Variants in BIN3 observed in about 807,000 individuals in gnomAD.
The protein encoded by BIN3 is bridging integrator 3.
Under a neutral mutation model 38.2 loss-of-function variants are expected in BIN3, and 41 were observed. The ratio of observed to expected loss-of-function variants is 1.07; its 90% CI spans 0.84 to 1.39. The LOEUF is 1.39. Among genes scored for constraint, BIN3 ranks in the 40% most tolerant of loss-of-function variants. BIN3 has a pLI of 0.00. For synonymous variants in BIN3, 145 were observed against 122.6 expected (o/e 1.18, Z -1.21); for missense variants, 361 against 324.3 (o/e 1.11, Z -0.87).
chr8:22,656,376 C>CT (rs1271625153), intron 1 of BIN3, among the ~76,000 whole-genome samples: 1 of 152,152 alleles, frequency 6.6e-6, no homozygotes, highest in African/African-American at 2.4e-5. Flanking sequence ...ATGGGATTCT[C>CT]TGTTTCATTT....
intron 2 of BIN3, among the ~76,000 whole-genome samples, chr8:22,637,324 G>C (rs1190410800): frequency 2.6e-5 from 4 of 152,206 alleles, no homozygotes; most frequent in African/African-American, 9.6e-5. Flanking sequence ...AGGCAGCAGA[G>C]TGCAGAGGAG....
chr8:22,625,057 A>G (rs544917651), intron 6 of BIN3: 19 of 419,150 alleles, frequency 4.5e-5, no homozygotes, highest in Admixed American at 3.6e-4. Flanking sequence ...TGGAACCGCC[A>G]AAGTTCCAAC....
chr8:22,634,012 T>C (rs1235084627), intron 4 of BIN3, among the ~76,000 whole-genome samples: 1 of 152,128 alleles, frequency 6.6e-6, no homozygotes, highest in Admixed American at 6.5e-5. Flanking sequence ...CCATGGACGG[T>C]GCGTCACGGA....
chr8:22,667,947 T>C (rs546978151), intron 1 of BIN3, among the ~76,000 whole-genome samples: 4 of 152,234 alleles, frequency 2.6e-5, no homozygotes, highest in Non-Finnish European at 5.9e-5. Context: ...GGACATTCTG[T>C]TATCTTAATT....
rs980164276 is a variant in BIN3, at chr8:22,628,027, C to T, written c.338+1937G>A. Among the ~76,000 whole-genome samples, 6 of 152,354 alleles carry T rather than the reference C, an allele frequency of 3.9e-5. No homozygotes were observed. In the East Asian group the frequency reaches 9.7e-4, roughly 25 times the overall value. On this transcript the variant is annotated intron_variant, in intron 6 of 8. Transcript: ENST00000276416. Reference sequence around the variant, plus strand: ...GTCTGTCCTAAGGCTCAATATCAAACTCACTCCCCTGGGGATGGGAGGGGC... The same window carrying T: ...GTCTGTCCTAAGGCTCAATATCAAATTCACTCCCCTGGGGATGGGAGGGGC...
chr8:22,654,471 C>T (rs916396309), intron 1 of BIN3, among the ~76,000 whole-genome samples: 2 of 152,160 alleles, frequency 1.3e-5, no homozygotes, highest in Non-Finnish European at 1.5e-5. Flanking sequence ...AAAAGAAACC[C>T]CACACCTATT....
intron 1 of BIN3, among the ~76,000 whole-genome samples, chr8:22,663,613 A>C (rs1803315097): frequency 1.3e-5 from 2 of 152,144 alleles, no homozygotes; most frequent in African/African-American, 4.8e-5. Context: ...GCCTAGGCTC[A>C]ATTTCAAGTC....
intron 1 of BIN3, among the ~76,000 whole-genome samples, chr8:22,657,885 G>A (rs971259781): frequency 6.6e-6 from 1 of 152,254 alleles, no homozygotes; most frequent in Admixed American, 6.5e-5. Context: ...CAGTGTCACA[G>A]CCTGAGAGCA....
chr8:22,630,551 G>A lies in BIN3; in HGVS notation c.188C>T (p.Ser63Phe). 4 of 1,613,986 alleles carry A rather than the reference G, an allele frequency of 2.5e-6. No individual in the cohort carries two copies. Among genetic ancestry groups the A allele is most frequent in the Non-Finnish European group, 3.4e-6 (4 of 1,179,866 alleles). ...LAMSKSAVKI[S>F]LDLLSNPLCE... Reference sequence around the variant, plus strand: ...GAGGGGATTGGAGAGTAAGTCCAAGGATATCTTCACGGCAGATTTTGACAT... The same window carrying A: ...GAGGGGATTGGAGAGTAAGTCCAAGAATATCTTCACGGCAGATTTTGACAT... Residue 63 changes from serine to phenylalanine, a missense_variant, in exon 5 of 9, where the codon TCC (serine) becomes TTC (phenylalanine). By Grantham distance (155) the Ser-to-Phe change is radical. Transcript: ENST00000276416.
At chr8:22,639,267 T>C (rs1256219682) in intron 2 of BIN3, among the ~76,000 whole-genome samples, 5 of 152,040 alleles carry the variant, frequency 3.3e-5, no homozygotes, top group Admixed American at 6.6e-5. Flanking sequence ...GGTTTTGCTC[T>C]GTTGCCCAGG....
intron 1 of BIN3, among the ~76,000 whole-genome samples, chr8:22,651,987 G>GT (rs35335976): frequency 0.26 from 35,704 of 137,710 alleles, 5,121 homozygotes; most frequent in South Asian, 0.39. Flanking sequence ...CTTCTACCAA[G>GT]TTTTTTTTTT....
intron 1 of BIN3, among the ~76,000 whole-genome samples, chr8:22,659,540 C>A (rs1803165037): frequency 6.6e-6 from 1 of 152,198 alleles, no homozygotes; most frequent in Non-Finnish European, 1.5e-5. Context: ...GCTGGGCGAT[C>A]ATCTCATCAA....
rs576835124 is a variant in BIN3 at position 22,621,613 on chromosome 8, C to T, written c.616-45G>A. ...TTGGCACGTGCTGGCTCCAGGGAAC[C>T]GTGTGCTTCAGGGGGCCAGAGGCTC... On this transcript the variant is annotated intron_variant, in intron 8 of 8. Transcript: ENST00000276416. 2.0e-5 allele frequency: 32 copies of T among 1,592,912 alleles called. 1 individual carries two copies. The South Asian group carries it at 2.9e-4, about 14-fold the overall frequency.
chr8:22,620,510 G>GGCTTGCCC lies in BIN3; in HGVS notation c.*904_*911dup, dbSNP rs1294696592. The GGCTTGCCC allele has an allele frequency of 6.9e-6, 1 of 144,168 alleles. No homozygotes were observed. Among genetic ancestry groups the GGCTTGCCC allele is most frequent in the Non-Finnish European group, 1.5e-5 (1 of 67,030 alleles). 8.9% of individuals were successfully genotyped at this position (144,168 alleles called of 1,614,324 possible). Reference sequence around the variant, plus strand: ...CTCCACAGCTCTTCCTACTCTCCTAGGCTTGCCCGCGTGCCCTCCCACCCA... The same window carrying GGCTTGCCC: ...CTCCACAGCTCTTCCTACTCTCCTAGGCTTGCCCGCTTGCCCGCGTGCCCTCCCACCCA... On this transcript the variant is annotated 3_prime_UTR_variant, in exon 9 of 9. Coordinates refer to ENST00000276416, the MANE Select transcript of BIN3 (RefSeq NM_018688.6).
intron 2 of BIN3, among the ~76,000 whole-genome samples, chr8:22,643,126 C>T (rs952310755): frequency 6.6e-6 from 1 of 152,204 alleles, no homozygotes; most frequent in Non-Finnish European, 1.5e-5. Context: ...GAAACCACTT[C>T]CCTTTCAGAT....
At chr8:22,651,671 G>A (rs1470499651) in intron 1 of BIN3, among the ~76,000 whole-genome samples, 3 of 152,166 alleles carry the variant, frequency 2.0e-5, no homozygotes, top group Admixed American at 2.0e-4. Flanking sequence ...GGGAAAGTCT[G>A]AAGCCACTCT....
chr8:22,626,990 T>G (rs1802026600), intron 6 of BIN3, among the ~76,000 whole-genome samples: 1 of 152,098 alleles, frequency 6.6e-6, no homozygotes, highest in African/African-American at 2.4e-5. Flanking sequence ...TGTCTCCAGG[T>G]GGCCACCTGG....
chr8:22,636,627 C>A (rs1193215355), intron 3 of BIN3, 41 bp from the exon 4 acceptor site: 1 of 1,545,590 alleles, frequency 6.5e-7, no homozygotes, highest in Non-Finnish European at 8.7e-7. Context: ...CCCCTTCCTT[C>A]CCCCTACCTG....
intron 6 of BIN3, chr8:22,624,939 T>C (rs1801959185): frequency 8.1e-6 from 2 of 248,288 alleles, no homozygotes; most frequent in South Asian, 8.9e-5. Context: ...ACAGTGCCAC[T>C]GGCAGGTGGC....
Sources: gnomAD v4.1 joint callset for allele counts (sites outside exome capture counted in the v4.1 genomes callset) on GRCh38, gnomAD v4.1.1 for gene constraint, MANE v1.5 for transcripts, NCBI Gene and HGNC (gene_info 2026-07-23, HGNC 2026-07-21) for gene names.